FRYL: variants seen among roughly 807,000 people sequenced by gnomAD.
The protein encoded by FRYL is FRY like transcription coactivator.
A neutral mutation model predicts 351.2 loss-of-function variants in FRYL; 150 were observed. That is an observed-to-expected ratio of 0.43 (90% confidence interval 0.37 to 0.49). FRYL has a LOEUF of 0.49. Ranked by LOEUF, FRYL falls within the 20% of genes least tolerant of loss-of-function variation. The probability of loss-of-function intolerance (pLI) is 0.00; values close to 1 mark genes in which losing one functional copy is unlikely to be tolerated. For missense variants in FRYL, 3,036 were observed against 3,619.3 expected (o/e 0.84, Z 4.13); for synonymous variants, 1,153 against 1,257.1 (o/e 0.92, Z 1.75).
At chr4:48,594,175 T>C (rs905091337) in intron 15 of FRYL, among the ~76,000 whole-genome samples, 159 bp from the exon 16 acceptor site, 2 of 121,948 alleles carry the variant, frequency 1.6e-5, no homozygotes, top group Non-Finnish European at 3.8e-5. Context: ...TCAAAATACA[T>C]GATTATAAGT....
chr4:48,578,162 C>T (rs1442721841), intron 23 of FRYL, among the ~76,000 whole-genome samples: 1 of 151,784 alleles, frequency 6.6e-6, no homozygotes, highest in African/African-American at 2.4e-5. Context: ...ATCAACCACA[C>T]TTAATGAACT....
intron 4 of FRYL, among the ~76,000 whole-genome samples, chr4:48,624,262 G>T (rs1193917314): frequency 6.6e-6 from 1 of 151,996 alleles, no homozygotes; most frequent in Non-Finnish European, 1.5e-5. Context: ...TCCATCTGCT[G>T]ATTTTTTTAC....
chr4:48,610,004 T>A (rs1578334655), intron 7 of FRYL, among the ~76,000 whole-genome samples, 181 bp from the exon 8 acceptor site: 1 of 152,204 alleles, frequency 6.6e-6, no homozygotes, highest in East Asian at 1.9e-4. Context: ...CTCATCAAAT[T>A]TCACAAGCTC....
chr4:48,763,067 T>C (rs1231466479), intron 1 of FRYL, among the ~76,000 whole-genome samples: 1 of 145,640 alleles, frequency 6.9e-6, no homozygotes, highest in Non-Finnish European at 1.5e-5. Context: ...ATTTAATGAC[T>C]TTCCCCAAAC....
Position 48,764,539 on chromosome 4 carries a change from AG to A in FRYL, c.-384+15538del, listed in dbSNP as rs199882017. ...AAGCGAGACTCTGTTTCAAAAAAAA[AG>A]AAAAGAAAAGAAAAGAAAAAACATT... On this transcript the variant is annotated intron_variant, in intron 1 of 63. Transcript: ENST00000358350. 2.2e-3 allele frequency among the ~76,000 whole-genome samples: 285 copies of A among 129,170 alleles called. 1 individual carries two copies. The highest frequency in any genetic ancestry group is 2.8e-3 in the East Asian group (12 of 4,222). 84.7% of individuals were successfully genotyped at this position (129,170 alleles called of 152,430 possible).
chr4:48,617,346 G>T (rs200420201), intron 7 of FRYL, among the ~76,000 whole-genome samples: 3 of 147,978 alleles, frequency 2.0e-5, no homozygotes, highest in African/African-American at 5.0e-5. Flanking sequence ...AAAAAAAAAA[G>T]ATTTTTTTTT....
intron 2 of FRYL, among the ~76,000 whole-genome samples, chr4:48,708,102 G>A (rs1359492037): frequency 6.6e-6 from 1 of 151,720 alleles, no homozygotes; most frequent in African/African-American, 2.4e-5. Context: ...TTACAGGTGT[G>A]AGCCACCACA....
In FRYL at chr4:48,548,885, A is replaced by C. The variant is rs913759800; in HGVS notation, c.4785-92T>G. 4.4e-6 allele frequency: 3 copies of C among 674,670 alleles called. No homozygotes were observed. In the African/African-American group the frequency reaches 5.6e-5, roughly 13 times the overall value. The allele number at this position is 674,670 out of a possible 1,614,324, so 41.8% of individuals were successfully genotyped here. ...AAAATTACTTGAAGACTTTAATATCACATTTCATGGAAAAATACAACTTAT... is the reference window on the plus strand; with the variant it reads ...AAAATTACTTGAAGACTTTAATATCCCATTTCATGGAAAAATACAACTTAT... On this transcript the variant is annotated intron_variant, in intron 39 of 63. Coordinates refer to ENST00000358350, the MANE Select transcript of FRYL (RefSeq NM_015030.2).
chr4:48,757,747 T>C lies in FRYL; in HGVS notation c.-384+22331A>G, dbSNP rs990593045. Among the ~76,000 whole-genome samples, 138 of 152,226 alleles carry C rather than the reference T, an allele frequency of 9.1e-4. No individual in the cohort carries two copies. The Middle Eastern group carries it at 0.01, about 11-fold the overall frequency. On this transcript the variant is annotated intron_variant, in intron 1 of 63. Transcript: ENST00000358350. ...CAGAATCGGAAAAAACTAAAGTTCA[T>C]ATGGAACCAAAAAAGAGCCTGCATC... is the stretch of plus-strand genomic sequence containing the variant.
At chr4:48,668,550 GA>G (rs534786185) in intron 3 of FRYL, among the ~76,000 whole-genome samples, 239 of 152,310 alleles carry the variant, frequency 1.6e-3, no homozygotes, top group African/African-American at 5.7e-3. Context: ...TCTGGTACAT[GA>G]AAGCTAGAGG....
intron 1 of FRYL, among the ~76,000 whole-genome samples, chr4:48,767,012 ATAT>A (rs1295973810): frequency 1.4e-5 from 2 of 147,734 alleles, no homozygotes; most frequent in African/African-American, 4.9e-5. Flanking sequence ...TATATTTTAT[ATAT>A]TATATATAAA....
rs376480140 is a variant in FRYL, at chr4:48,609,549, G to A, written c.491+195C>T. On this transcript the variant is annotated intron_variant, in intron 8 of 63. Coordinates refer to ENST00000358350, the MANE Select transcript of FRYL (RefSeq NM_015030.2). ...AGTTGGGAGGATCACTTGAGCCCAG[G>A]AGGTCAAGGCTGCAGTGAGCCATGA... 5.9e-5 allele frequency among the ~76,000 whole-genome samples: 9 copies of A among 151,954 alleles called. No homozygotes were observed. In the South Asian group the frequency reaches 1.0e-3, roughly 18 times the overall value.
chr4:48,717,685 A>G (rs1458586581), intron 1 of FRYL, among the ~76,000 whole-genome samples: 1 of 151,342 alleles, frequency 6.6e-6, no homozygotes, highest in African/African-American at 2.4e-5. Context: ...GAAGTGCAGG[A>G]GCATGCCACC....
chr4:48,552,625 A>T (rs1422744196), intron 36 of FRYL, among the ~76,000 whole-genome samples: 3 of 152,140 alleles, frequency 2.0e-5, no homozygotes, highest in Non-Finnish European at 4.4e-5. Context: ...ATGCTACTTT[A>T]AAAAATTATA....
intron 4 of FRYL, among the ~76,000 whole-genome samples, chr4:48,633,655 CCTA>C (rs984089837): frequency 6.6e-6 from 1 of 152,176 alleles, no homozygotes; most frequent in Non-Finnish European, 1.5e-5. Context: ...CAAAATGCCC[CCTA>C]CTTAGTTACT....
chr4:48,502,409 G>A (rs1719903510), intron 61 of FRYL, among the ~76,000 whole-genome samples: 1 of 152,022 alleles, frequency 6.6e-6, no homozygotes, highest in South Asian at 2.1e-4. Flanking sequence ...GCTGGGCATG[G>A]TGGTGGGTGT....
intron 7 of FRYL, among the ~76,000 whole-genome samples, chr4:48,616,892 C>G (rs1749578003): frequency 6.6e-6 from 1 of 152,102 alleles, no homozygotes; most frequent in Non-Finnish European, 1.5e-5. Flanking sequence ...ATTGTTTACT[C>G]TCTGGATCTA....
intron 1 of FRYL, among the ~76,000 whole-genome samples, chr4:48,712,112 TG>T (rs1768130230): frequency 6.6e-6 from 1 of 151,552 alleles, no homozygotes; most frequent in African/African-American, 2.4e-5. Flanking sequence ...ACCACAAAGA[TG>T]GGGAAAAAAC....
intron 1 of FRYL, among the ~76,000 whole-genome samples, chr4:48,755,182 C>T (rs1035984064): frequency 2.0e-5 from 3 of 152,162 alleles, no homozygotes; most frequent in Non-Finnish European, 4.4e-5. Flanking sequence ...ATCTCCCTCA[C>T]CCTTGTAACT....
Sources: gnomAD v4.1 joint callset for allele counts (sites outside exome capture counted in the v4.1 genomes callset) on GRCh38, gnomAD v4.1.1 for gene constraint, MANE v1.5 for transcripts, NCBI Gene and HGNC (gene_info 2026-07-23, HGNC 2026-07-21) for gene names.